Variants in CNTN5 observed in about 807,000 individuals in gnomAD.
CNTN5 encodes the protein contactin 5, also known as contactin-5.
In CNTN5, 77 loss-of-function variants were observed where a neutral mutation model predicts 129.1. The ratio of observed to expected loss-of-function variants is 0.60; its 90% CI spans 0.50 to 0.72. The LOEUF is 0.72. Ranked by LOEUF, CNTN5 falls within the 30% of genes least tolerant of loss-of-function variation. CNTN5 has a pLI of 0.00. For synonymous variants in CNTN5, 509 were observed against 465.6 expected (o/e 1.09, Z -1.20); for missense variants, 1,478 against 1,328.8 (o/e 1.11, Z -1.75).
chr11:100,097,588 A>G (rs1454260914), intron 13 of CNTN5, among the ~76,000 whole-genome samples: 1 of 152,094 alleles, frequency 6.6e-6, no homozygotes, highest in Non-Finnish European at 1.5e-5. Flanking sequence ...CAGGCAAATG[A>G]ATAATGTGAT....
At chr11:99,774,494 T>TAA (rs5794022) in intron 3 of CNTN5, among the ~76,000 whole-genome samples, 1 of 145,122 alleles carries the variant, frequency 6.9e-6, no homozygotes, top group Non-Finnish European at 1.5e-5. Flanking sequence ...ATAGGAGAAG[T>TAA]AAAAAAAAAA....
intron 1 of CNTN5, among the ~76,000 whole-genome samples, chr11:99,253,006 C>G (rs1862191159): frequency 6.6e-6 from 1 of 150,560 alleles, no homozygotes; most frequent in Admixed American, 6.6e-5. Flanking sequence ...TTATGGGTTC[C>G]CTTATATATA....
intron 2 of CNTN5, among the ~76,000 whole-genome samples, chr11:99,335,214 G>A (rs535808249): frequency 6.6e-6 from 1 of 152,236 alleles, no homozygotes; most frequent in Admixed American, 6.5e-5. Flanking sequence ...ATTTAAAGCA[G>A]TGAGATCAAG....
chr11:99,239,671 C>T (rs1052961662), intron 1 of CNTN5, among the ~76,000 whole-genome samples: 16 of 152,084 alleles, frequency 1.1e-4, no homozygotes, highest in Non-Finnish European at 2.4e-4. Flanking sequence ...CGCGGTGGCT[C>T]ACGCCTGTAA....
intron 3 of CNTN5, among the ~76,000 whole-genome samples, chr11:99,639,633 C>T (rs532919589): frequency 9.5e-5 from 12 of 125,808 alleles, no homozygotes; most frequent in South Asian, 5.3e-4. Context: ...GGTGCAATCT[C>T]GGCTCACTGA....
rs553540845 is a variant in CNTN5 at position 99,744,543 on chromosome 11, T to TAAAA, written c.56-74974_56-74971dup. ...GCAAAACCCCGTCTCTACAAAAAGTTAAAAAAAAAAAAAAAAAAAAAAAAA... is the reference window on the plus strand; with the variant it reads ...GCAAAACCCCGTCTCTACAAAAAGTTAAAAAAAAAAAAAAAAAAAAAAAAAAAAA... On this transcript the variant is annotated intron_variant, in intron 3 of 24. Transcript: ENST00000524871. Among the ~76,000 whole-genome samples, 314 of 37,476 alleles carry TAAAA rather than the reference T, an allele frequency of 8.4e-3. 22 individuals carry two copies. Among genetic ancestry groups the TAAAA allele is most frequent in the African/African-American group, 0.019 (180 of 9,236 alleles). 24.6% of individuals were successfully genotyped at this position (37,476 alleles called of 152,430 possible).
chr11:99,733,363 G>T (rs1200278925), intron 3 of CNTN5, among the ~76,000 whole-genome samples: 1 of 150,992 alleles, frequency 6.6e-6, no homozygotes, highest in South Asian at 2.1e-4. Flanking sequence ...ATTTTCTGGG[G>T]CGCCTCCTGC....
At chr11:99,487,841 T>TTC (rs1945876338) in intron 2 of CNTN5, among the ~76,000 whole-genome samples, 1 of 152,218 alleles carries the variant, frequency 6.6e-6, no homozygotes, top group African/African-American at 2.4e-5. Context: ...TAAGAATAAG[T>TTC]TCTCTCCCAG....
intron 3 of CNTN5, among the ~76,000 whole-genome samples, chr11:99,710,149 C>T (rs1422751568): frequency 6.6e-6 from 1 of 151,752 alleles, no homozygotes; most frequent in Non-Finnish European, 1.5e-5. Context: ...CAAGCACTTC[C>T]CAGTCGATAC....
intron 2 of CNTN5, among the ~76,000 whole-genome samples, chr11:99,422,902 T>C (rs890555099): frequency 1.3e-5 from 2 of 152,122 alleles, no homozygotes; most frequent in Non-Finnish European, 2.9e-5. Flanking sequence ...GACTTGCAGA[T>C]GTTGGGGAAA....
chr11:100,335,160 C>T (rs1952008664), intron 21 of CNTN5, among the ~76,000 whole-genome samples: 2 of 127,050 alleles, frequency 1.6e-5, no homozygotes, highest in South Asian at 2.6e-4. Flanking sequence ...TCTAAAATGG[C>T]TCCAAAAAAA....
At chr11:99,486,400 C>T (rs1457873203) in intron 2 of CNTN5, among the ~76,000 whole-genome samples, 1 of 152,052 alleles carries the variant, frequency 6.6e-6, no homozygotes, top group African/African-American at 2.4e-5. Context: ...TGTATCCAAG[C>T]ATAGTGCATA....
chr11:99,453,661 T>A (rs979009856), intron 2 of CNTN5, among the ~76,000 whole-genome samples: 1 of 152,218 alleles, frequency 6.6e-6, no homozygotes, highest in African/African-American at 2.4e-5. Flanking sequence ...TTGAAAATTA[T>A]TTTTGCTACC....
intron 13 of CNTN5, among the ~76,000 whole-genome samples, chr11:100,131,644 A>T (rs188475370): frequency 8.0e-4 from 118 of 147,268 alleles, no homozygotes; most frequent in African/African-American, 2.3e-3. Context: ...AAATGGAAAT[A>T]AAAAAAAGGC....
intron 9 of CNTN5, among the ~76,000 whole-genome samples, chr11:100,005,517 T>C (rs1202174074): frequency 1.3e-5 from 2 of 152,220 alleles, no homozygotes; most frequent in Non-Finnish European, 2.9e-5. Context: ...ACAATATTGC[T>C]GACTATAGGT....
At chr11:99,751,542 T>C (rs529068134) in intron 3 of CNTN5, among the ~76,000 whole-genome samples, 123 of 152,234 alleles carry the variant, frequency 8.1e-4, no homozygotes, top group African/African-American at 2.8e-3. Context: ...TTTACCCACC[T>C]CTCTCTATAT....
rs116362821 is a variant in CNTN5, at chr11:99,848,910, G to C, written c.577+3648G>C. Among the ~76,000 whole-genome samples, 989 of 152,216 alleles carry C rather than the reference G, an allele frequency of 6.5e-3. 11 individuals are homozygous for C. Among genetic ancestry groups the C allele is most frequent in the African/African-American group, 0.022 (931 of 41,554 alleles). On this transcript the variant is annotated intron_variant, in intron 6 of 24. Coordinates refer to ENST00000524871, the MANE Select transcript of CNTN5 (RefSeq NM_014361.4). ...AATTCGAGATCTGTTTAACAGACCAGTTCACTTTGGTGATTAACCATTATT... is the reference window on the plus strand; with the variant it reads ...AATTCGAGATCTGTTTAACAGACCACTTCACTTTGGTGATTAACCATTATT...
intron 3 of CNTN5, among the ~76,000 whole-genome samples, chr11:99,649,081 A>G (rs1952065788): frequency 6.6e-6 from 1 of 151,766 alleles, no homozygotes. Flanking sequence ...AAAATGATAA[A>G]TATTTGAGAA....
At chr11:100,099,322 A>T (rs1945135745) in intron 13 of CNTN5, among the ~76,000 whole-genome samples, 1 of 152,004 alleles carries the variant, frequency 6.6e-6, no homozygotes, top group Non-Finnish European at 1.5e-5. Flanking sequence ...GGGTGGTTGG[A>T]CACCCTAGGG....
Sources: allele counts gnomAD v4.1 joint callset (sites outside exome capture counted in the v4.1 genomes callset), GRCh38; gene constraint gnomAD v4.1.1; transcripts MANE v1.5; gene names NCBI Gene and HGNC (gene_info 2026-07-23, HGNC 2026-07-21).